GNA12: variants seen among roughly 807,000 people sequenced by gnomAD.
The protein encoded by GNA12 is guanine nucleotide-binding protein subunit alpha-12.
Under a neutral mutation model 26.0 loss-of-function variants are expected in GNA12, and 9 were observed. The observed-to-expected ratio is 0.35, with a 90% CI of 0.21 to 0.60. GNA12 has a LOEUF of 0.60. Among genes scored for constraint, GNA12 ranks in the 20% least tolerant of loss-of-function variants. The probability of loss-of-function intolerance (pLI) is 0.78; values close to 1 mark genes in which losing one functional copy is unlikely to be tolerated. For synonymous variants in GNA12, 264 were observed against 219.6 expected (o/e 1.20, Z -1.79); for missense variants, 405 against 525.8 (o/e 0.77, Z 2.25).
rs572935010 is a variant in GNA12, at chr7:2,753,313, T to C, written c.526-19812A>G. Among the ~76,000 whole-genome samples, 8 of 152,236 alleles carry C rather than the reference T, an allele frequency of 5.3e-5. No individual in the cohort carries two copies. The South Asian group carries it at 6.2e-4, about 12-fold the overall frequency. Reference sequence around the variant, plus strand: ...GGACTATAGGTGCATGCCACCACGATTGGCTAATTTTATTTTTTGTAGAGA... The same window carrying C: ...GGACTATAGGTGCATGCCACCACGACTGGCTAATTTTATTTTTTGTAGAGA... On this transcript the variant is annotated intron_variant, in intron 2 of 3. Coordinates refer to ENST00000275364, the MANE Select transcript of GNA12 (RefSeq NM_007353.3).
At chr7:2,736,636 G>A (rs943740948) in intron 2 of GNA12, among the ~76,000 whole-genome samples, 1 of 152,208 alleles carries the variant, frequency 6.6e-6, no homozygotes, top group Non-Finnish European at 1.5e-5. Flanking sequence ...GCAGGACCTA[G>A]GCCGACACAC....
rs144292711 is a variant in GNA12, at chr7:2,780,990, T to C, written c.525+13938A>G. Among the ~76,000 whole-genome samples, 410 of 152,354 alleles carry C rather than the reference T, an allele frequency of 2.7e-3. 2 individuals are homozygous for C. The highest frequency in any genetic ancestry group is 9.5e-3 in the African/African-American group (393 of 41,580). ...CAGCACTGCAGTGTATGAGAGTTCC[T>C]GTCATCCCACATCCTTGCCAATTCT... On this transcript the variant is annotated intron_variant, in intron 2 of 3. Transcript: ENST00000275364.
At chr7:2,800,497 G>C (rs1212507473) in intron 1 of GNA12, among the ~76,000 whole-genome samples, 1 of 152,246 alleles carries the variant, frequency 6.6e-6, no homozygotes, top group Non-Finnish European at 1.5e-5. Context: ...AATTATGTCT[G>C]TCATAACCAC....
At chr7:2,733,911 G>T (rs1790029712) in intron 2 of GNA12, among the ~76,000 whole-genome samples, 1 of 152,196 alleles carries the variant, frequency 6.6e-6, no homozygotes, top group Non-Finnish European at 1.5e-5. Flanking sequence ...GTCGAAGATG[G>T]CCTAAGGGAC....
chr7:2,795,532 C>T (rs781587416), intron 1 of GNA12, among the ~76,000 whole-genome samples: 5 of 149,736 alleles, frequency 3.3e-5, no homozygotes, highest in African/African-American at 7.4e-5. Flanking sequence ...CTCAGCTGAG[C>T]GGGGAGGATT....
intron 2 of GNA12, among the ~76,000 whole-genome samples, chr7:2,794,212 A>G (rs1792590839): frequency 6.6e-6 from 1 of 152,212 alleles, no homozygotes; most frequent in Non-Finnish European, 1.5e-5. Context: ...CAAAGGATTC[A>G]TGACTTCAAC....
At chr7:2,768,135 A>G (rs1791853262) in intron 2 of GNA12, among the ~76,000 whole-genome samples, 1 of 152,226 alleles carries the variant, frequency 6.6e-6, no homozygotes, top group Non-Finnish European at 1.5e-5. Flanking sequence ...GATTACAGGC[A>G]TGAGCTACCG....
At chr7:2,796,244 T>A (rs987296229) in intron 1 of GNA12, among the ~76,000 whole-genome samples, 3 of 152,234 alleles carry the variant, frequency 2.0e-5, no homozygotes, top group African/African-American at 7.2e-5. Flanking sequence ...GTATTGTTTT[T>A]AAAGTTTAAT....
intron 2 of GNA12, among the ~76,000 whole-genome samples, chr7:2,758,955 T>A (rs1469122149): frequency 6.6e-6 from 1 of 151,842 alleles, no homozygotes; most frequent in Non-Finnish European, 1.5e-5. Flanking sequence ...AGCCTCCTGA[T>A]ATGGTGAAAC....
rs764109887 is a variant in GNA12, at chr7:2,731,818, A to C, written c.577-68T>G. On this transcript the variant is annotated intron_variant, in intron 3 of 3. Transcript: ENST00000275364. The surrounding 1 kb of genome is among the most constrained non-coding windows in gnomAD (Gnocchi z 6.0). ...AAGAACAGAGAAAATAGAAACAAAA[A>C]GATGGCAAAAAGATAAGAAGGAAAG... 8.5e-6 allele frequency: 7 copies of C among 823,740 alleles called. No homozygotes were observed. The highest frequency in any genetic ancestry group is 1.3e-5 in the Non-Finnish European group (7 of 559,200). 51.0% of individuals were successfully genotyped at this position (823,740 alleles called of 1,614,324 possible).
At chr7:2,815,691 C>CAT (rs1471487630) in intron 1 of GNA12, among the ~76,000 whole-genome samples, 4 of 152,204 alleles carry the variant, frequency 2.6e-5, no homozygotes, top group Admixed American at 6.5e-5. Flanking sequence ...CCTGACCCAG[C>CAT]GTGGTGCTCC....
intron 2 of GNA12, among the ~76,000 whole-genome samples, chr7:2,782,387 A>G (rs1792250443): frequency 6.6e-6 from 1 of 151,988 alleles, no homozygotes; most frequent in Non-Finnish European, 1.5e-5. Flanking sequence ...TGTTGGGAGG[A>G]TTTGCTACCC....
intron 2 of GNA12, among the ~76,000 whole-genome samples, chr7:2,747,489 C>G (rs1433779774): frequency 6.6e-6 from 1 of 152,170 alleles, no homozygotes; most frequent in Non-Finnish European, 1.5e-5. Context: ...GCTAAAAACT[C>G]TCAACAAATT....
At chr7:2,766,647 A>G (rs1791812459) in intron 2 of GNA12, among the ~76,000 whole-genome samples, 1 of 152,128 alleles carries the variant, frequency 6.6e-6, no homozygotes, top group Admixed American at 6.5e-5. Context: ...CGGTCTCCCA[A>G]AGTGCTGGGA....
At position 2,771,620 on chromosome 7, in the gene GNA12, C is replaced by T. The variant is rs1791950982; in HGVS notation, c.525+23308G>A. Among the ~76,000 whole-genome samples, 4 of 152,266 alleles carry T rather than the reference C, an allele frequency of 2.6e-5. No individual in the cohort carries two copies. In the South Asian group the frequency reaches 6.2e-4, roughly 24 times the overall value. ...TCTTTCCAGATTCGCCCATATGCTG[C>T]AGGTTACCAGGTGCTCCCTTTCCTG... On this transcript the variant is annotated intron_variant, in intron 2 of 3. Coordinates refer to ENST00000275364, the MANE Select transcript of GNA12 (RefSeq NM_007353.3).
intron 2 of GNA12, among the ~76,000 whole-genome samples, chr7:2,747,013 T>A (rs906895235): frequency 6.6e-5 from 10 of 152,162 alleles, no homozygotes; most frequent in Non-Finnish European, 1.0e-4. Context: ...GCTCTGAAAT[T>A]GAGGCAATAA....
intron 1 of GNA12, chr7:2,835,847 T>A: frequency 1.6e-6 from 1 of 617,128 alleles, no homozygotes; most frequent in Non-Finnish European, 3.1e-6. Context: ...GATGTCTTCA[T>A]TAGCCATTCT....
chr7:2,769,984 G>A (rs1487660379), intron 2 of GNA12, among the ~76,000 whole-genome samples: 3 of 151,926 alleles, frequency 2.0e-5, no homozygotes, highest in South Asian at 2.1e-4. Flanking sequence ...TTTCAAAATT[G>A]CTTTTATAAA....
At chr7:2,832,248 C>A (rs1174943173) in intron 1 of GNA12, among the ~76,000 whole-genome samples, 1 of 152,174 alleles carries the variant, frequency 6.6e-6, no homozygotes, top group Non-Finnish European at 1.5e-5. Flanking sequence ...CCTGTCCTCC[C>A]GTTGTGTTTC....
Sources: allele counts gnomAD v4.1 joint callset (sites outside exome capture counted in the v4.1 genomes callset), GRCh38; gene constraint gnomAD v4.1.1; non-coding constraint Gnocchi (gnomAD v3.1); transcripts MANE v1.5; gene names NCBI Gene and HGNC (gene_info 2026-07-23, HGNC 2026-07-21).